The following GTF2F2 variants were observed in gnomAD, a reference collection of about 807,000 sequenced individuals.
GTF2F2 encodes ATP-dependent helicase GTF2F2.
GTF2F2 carries 23 observed loss-of-function variants against 42.2 expected under a neutral mutation model. That is an observed-to-expected ratio of 0.55 (90% CI 0.39 to 0.77). The LOEUF is 0.77. Among genes scored for constraint, GTF2F2 ranks in the 30% least tolerant of loss-of-function variants. The pLI is 0.00. For synonymous variants in GTF2F2, 105 were observed against 100.8 expected (o/e 1.04, Z -0.25); for missense variants, 261 against 287.2 (o/e 0.91, Z 0.66).
intron 6 of GTF2F2, among the ~76,000 whole-genome samples, chr13:45,259,878 C>G (rs1411691999): frequency 6.6e-6 from 1 of 152,074 alleles, no homozygotes; most frequent in Non-Finnish European, 1.5e-5. Context: ...GCGTGAGCCA[C>G]TGCGCCTGGC....
chr13:45,253,563 C>T (rs1223525664), intron 6 of GTF2F2, among the ~76,000 whole-genome samples: 1 of 152,198 alleles, frequency 6.6e-6, no homozygotes, highest in African/African-American at 2.4e-5. Context: ...CAGTCAACTA[C>T]AGTCAAAAAT....
chr13:45,271,247 C>T (rs12866493), intron 7 of GTF2F2, among the ~76,000 whole-genome samples: 3 of 150,770 alleles, frequency 2.0e-5, no homozygotes, highest in Non-Finnish European at 4.4e-5. Flanking sequence ...GCGGAGATTG[C>T]GCCACTGCAC....
intron 2 of GTF2F2, among the ~76,000 whole-genome samples, chr13:45,147,480 T>A (rs973612700): frequency 2.0e-5 from 3 of 152,162 alleles, no homozygotes; most frequent in African/African-American, 7.2e-5. Flanking sequence ...TGTGGTGAAT[T>A]TAGTGCCTGC....
At chr13:45,238,096 G>A (rs1203771286) in intron 5 of GTF2F2, among the ~76,000 whole-genome samples, 1 of 152,134 alleles carries the variant, frequency 6.6e-6, no homozygotes. Flanking sequence ...TGGGATTACA[G>A]GTGCACACCG....
intron 4 of GTF2F2, among the ~76,000 whole-genome samples, chr13:45,177,984 G>A (rs1871967356): frequency 6.6e-6 from 1 of 152,022 alleles, no homozygotes; most frequent in African/African-American, 2.4e-5. Flanking sequence ...GATTATCTTT[G>A]ATTTTAATGT....
rs544705681 is a variant in GTF2F2 at position 45,173,153 on chromosome 13, G to T, written c.304+21322G>T. Among the ~76,000 whole-genome samples, 40 of 152,128 alleles carry T rather than the reference G, an allele frequency of 2.6e-4. No homozygotes were observed. The South Asian group carries it at 3.5e-3, about 13-fold the overall frequency. Reference sequence around the variant, plus strand: ...AAAAGTGTACAGAGAGAAAAAATATGTTCTATTTTTCTAATTAAGTTTTTT... The same window carrying T: ...AAAAGTGTACAGAGAGAAAAAATATTTTCTATTTTTCTAATTAAGTTTTTT... On this transcript the variant is annotated intron_variant, in intron 4 of 7. Coordinates refer to ENST00000340473, the MANE Select transcript of GTF2F2 (RefSeq NM_004128.3).
At chr13:45,237,789 G>A (rs915696868) in intron 5 of GTF2F2, among the ~76,000 whole-genome samples, 1 of 152,136 alleles carries the variant, frequency 6.6e-6, no homozygotes, top group African/African-American at 2.4e-5. Context: ...CAAAGTTACT[G>A]GCATGGATCA....
rs565766358 is a variant in GTF2F2 at position 45,252,825 on chromosome 13, ACT to A, written c.387-43_387-42del. The A allele has an allele frequency of 1.2e-3, 942 of 769,184 alleles. 3 individuals are homozygous for A. Among genetic ancestry groups the A allele is most frequent in the Non-Finnish European group, 1.8e-3 (844 of 462,024 alleles). 47.6% of individuals were successfully genotyped at this position (769,184 alleles called of 1,614,324 possible). A position where few individuals can be genotyped will look rare whatever the true frequency, so the allele number is the denominator to read the frequency against. On this transcript the variant is annotated intron_variant, in intron 5 of 7. Transcript: ENST00000340473. ...TAGAAATAATAACTCTTCATATTTCACTCTGCTAAACAAGAGTGTTAATAATG... is the reference window on the plus strand; with the variant it reads ...TAGAAATAATAACTCTTCATATTTCACTGCTAAACAAGAGTGTTAATAATG...
intron 4 of GTF2F2, among the ~76,000 whole-genome samples, chr13:45,175,434 C>T (rs112245960): frequency 0.01 from 1,594 of 152,222 alleles, 26 homozygotes; most frequent in African/African-American, 0.035. Context: ...ATACTGATTT[C>T]CTTTCTCTTG....
intron 7 of GTF2F2, among the ~76,000 whole-genome samples, chr13:45,276,057 A>G (rs1454147707): frequency 6.6e-6 from 1 of 152,234 alleles, no homozygotes; most frequent in Non-Finnish European, 1.5e-5. Flanking sequence ...AATAATTGTT[A>G]TACTATATTG....
chr13:45,267,343 T>G lies in GTF2F2; in HGVS notation c.597T>G (p.Leu199=), dbSNP rs1353541027. ...TTGAGAAACATCAATACTATAATCT[T>G]AAGGACTTGGTGGACATCACAAAGC... The part of the protein sequence containing the change: ...SAFEKHQYYN[L]KDLVDITKQP... The change falls in exon 7 of 8, where the codon CTT becomes CTG. Residue 199 remains leucine, a synonymous_variant. Transcript: ENST00000340473. 2 of 1,610,374 alleles carry G rather than the reference T, an allele frequency of 1.2e-6. No homozygotes were observed. Among genetic ancestry groups the G allele is most frequent in the Admixed American group, 1.7e-5 (1 of 59,866 alleles).
intron 7 of GTF2F2, among the ~76,000 whole-genome samples, chr13:45,272,432 A>AAAC (rs1555273480): frequency 7.1e-6 from 1 of 139,978 alleles, no homozygotes; most frequent in African/African-American, 2.9e-5. Flanking sequence ...TTTAAAAAAA[A>AAAC]AAAAAAAACA....
At chr13:45,159,631 C>T (rs531197119) in intron 4 of GTF2F2, among the ~76,000 whole-genome samples, 14 of 152,308 alleles carry the variant, frequency 9.2e-5, no homozygotes, top group South Asian at 4.1e-4. Context: ...CGCCACCACG[C>T]CGGGCTAATT....
chr13:45,193,843 A>G, intron 4 of GTF2F2: 2 of 1,613,676 alleles, frequency 1.2e-6, no homozygotes, highest in Non-Finnish European at 1.7e-6. Context: ...GGAACAATCC[A>G]GGCTGGTCAG....
chr13:45,259,279 A>G (rs1469966288), intron 6 of GTF2F2, among the ~76,000 whole-genome samples: 1 of 152,130 alleles, frequency 6.6e-6, no homozygotes, highest in Non-Finnish European at 1.5e-5. Flanking sequence ...GTACAAAATT[A>G]GCTGGGTATT....
intron 5 of GTF2F2, among the ~76,000 whole-genome samples, chr13:45,237,675 G>A (rs1018800319): frequency 1.1e-4 from 16 of 152,156 alleles, no homozygotes; most frequent in Non-Finnish European, 1.6e-4. Flanking sequence ...TAAAATCAGA[G>A]CTTGGTTTCA....
intron 4 of GTF2F2, among the ~76,000 whole-genome samples, chr13:45,174,194 G>A (rs534862157): frequency 6.6e-6 from 1 of 152,196 alleles, no homozygotes; most frequent in Admixed American, 6.5e-5. Context: ...GTGAGTGCAG[G>A]TTTTCATTTC....
rs145040865 is a variant in GTF2F2 at position 45,230,178 on chromosome 13, T to C, written c.386+22673T>C. ...TTACAGTGAGCCAAGATCGCACCAC[T>C]GCACTCCAGCCAGGGCAACAGAGCA... On this transcript the variant is annotated intron_variant, in intron 5 of 7. Transcript: ENST00000340473. Among the ~76,000 whole-genome samples, 954 of 151,390 alleles carry C rather than the reference T, an allele frequency of 6.3e-3. 10 individuals carry two copies. Among genetic ancestry groups the C allele is most frequent in the African/African-American group, 0.022 (895 of 41,188 alleles).
intron 5 of GTF2F2, among the ~76,000 whole-genome samples, chr13:45,210,404 C>T (rs1253343102): frequency 6.6e-6 from 1 of 152,074 alleles, no homozygotes; most frequent in Non-Finnish European, 1.5e-5. Context: ...TGGCTTGCCG[C>T]CTCACCCCTT....
Sources: gnomAD v4.1 joint callset for allele counts (sites outside exome capture counted in the v4.1 genomes callset) on GRCh38, gnomAD v4.1.1 for gene constraint, MANE v1.5 for transcripts, NCBI Gene and HGNC (gene_info 2026-07-23, HGNC 2026-07-21) for gene names.